Variants in GCN1 observed in about 807,000 individuals in gnomAD.
The protein encoded by GCN1 is GCN1 activator of EIF2AK4.
GCN1 carries 90 observed loss-of-function variants against 288.4 expected under a neutral mutation model. The observed-to-expected ratio is 0.31, with a 90% CI of 0.26 to 0.37. The LOEUF (loss-of-function observed/expected upper bound fraction) is 0.37. GCN1 is among the 10% of genes least tolerant of loss of function. The pLI, the probability that GCN1 is intolerant of heterozygous loss-of-function variation, is 1.00. For missense variants in GCN1, 2,586 were observed against 3,419.9 expected (o/e 0.76, Z 6.08); for synonymous variants, 1,386 against 1,420.2 (o/e 0.98, Z 0.54).
rs1261989884 is a variant in GCN1, at chr12:120,144,268, G to T, written c.5495+38C>A. The T allele has an allele frequency of 6.2e-7, 1 of 1,610,328 alleles. No homozygotes were observed. The highest frequency in any genetic ancestry group is 2.2e-5 in the East Asian group (1 of 44,860). The stretch of plus-strand genomic sequence containing the variant: ...TCGGATTATAGGCATGAGCCACCAC[G>T]CATCATCCCCACTGGGTCTTTCTGC... On this transcript the variant is annotated intron_variant, in intron 42 of 57. Coordinates refer to ENST00000300648, the MANE Select transcript of GCN1 (RefSeq NM_006836.2). The surrounding 1 kb of genome is among the most constrained non-coding windows in gnomAD (Gnocchi z 4.7).
chr12:120,133,054 C>T (rs1395399400), intron 53 of GCN1, among the ~76,000 whole-genome samples: 3 of 152,232 alleles, frequency 2.0e-5, no homozygotes, highest in Non-Finnish European at 4.4e-5. Context: ...AAGACTGTGA[C>T]CAAGACAGCA....
Position 120,181,606 on chromosome 12 carries a change from G to A in GCN1, c.426+1963C>T, listed in dbSNP as rs983512114. ...TGTAATCCCAGCACTTTGGGAGGCC[G>A]AGGCGGGCGGATCACCTGAGGTCAG... On this transcript the variant is annotated intron_variant, in intron 5 of 57. Coordinates refer to ENST00000300648, the MANE Select transcript of GCN1 (RefSeq NM_006836.2). Among the ~76,000 whole-genome samples the A allele has an allele frequency of 7.9e-5, 12 of 151,798 alleles. No individual in the cohort carries two copies. In the East Asian group the frequency reaches 1.2e-3, roughly 15 times the overall value.
intron 54 of GCN1, among the ~76,000 whole-genome samples, chr12:120,131,650 G>A (rs1876828355): frequency 6.6e-6 from 1 of 152,238 alleles, no homozygotes; most frequent in Non-Finnish European, 1.5e-5. Context: ...GCCTCGCTCT[G>A]TCGCCCAGGC....
intron 16 of GCN1, among the ~76,000 whole-genome samples, chr12:120,165,065 GAGAC>G (rs1179590264): frequency 6.9e-6 from 1 of 144,544 alleles, no homozygotes; most frequent in Non-Finnish European, 1.5e-5. Context: ...TTTTTTTTGA[GAGAC>G]AGTCACGCTC....
chr12:120,143,810 A>G (rs563452984), intron 42 of GCN1, among the ~76,000 whole-genome samples: 59 of 152,220 alleles, frequency 3.9e-4, no homozygotes, highest in Non-Finnish European at 6.9e-4. Context: ...GCCTGTATAG[A>G]GAGGACTTTT....
chr12:120,155,427 G>C lies in GCN1; in HGVS notation c.3444C>G (p.Leu1148=), dbSNP rs1189169768. The C allele has an allele frequency of 6.2e-7, 1 of 1,612,916 alleles. No individual in the cohort carries two copies. The highest frequency in any genetic ancestry group is 1.3e-5 in the African/African-American group (1 of 75,052). The change falls in exon 30 of 58, where the codon CTC becomes CTG. Residue 1148 remains leucine (L), a synonymous_variant. Coordinates refer to ENST00000300648, the MANE Select transcript of GCN1 (RefSeq NM_006836.2). This position sits in a 1 kb window ranked among gnomAD's most constrained non-coding sequence, Gnocchi z 4.9. ...EEEIRKLAER[L]WSMMGLDLQP... is the part of the protein sequence containing the mutation. ...GCAGGTCTAGGCCCATCATTGACCA[G>C]AGCCTGTGGGAGATCCAAGGCAGGG...
At position 120,163,390 on chromosome 12, in the gene GCN1, G is replaced by T. The variant is rs887268722; in HGVS notation, c.1849-131C>A. On this transcript the variant is annotated intron_variant, in intron 18 of 57. Transcript: ENST00000300648. ...TGGGGTCCTTGCTGGAGTAGAAATG[G>T]ATGCCCAGCTTCCTGCAATGGGACC... The T allele has an allele frequency of 5.9e-6, 4 of 681,812 alleles. No homozygotes were observed. The African/African-American group carries it at 7.2e-5, about 12-fold the overall frequency. The allele number at this position is 681,812 out of a possible 1,614,324, so 42.2% of individuals were successfully genotyped here.
At chr12:120,165,002 TACACACACACACACACACAC>T (rs55710290) in intron 16 of GCN1, among the ~76,000 whole-genome samples, 1 of 136,892 alleles carries the variant, frequency 7.3e-6, no homozygotes, top group African/African-American at 2.8e-5. Flanking sequence ...TACACATATA[TACACACACACACACACACAC>T]ACACACACAC....
rs1388358375 is a variant in GCN1, at chr12:120,160,210, T to C, written c.2482A>G (p.Ser828Gly). 1 of 1,612,560 alleles carries C rather than the reference T, an allele frequency of 6.2e-7. No individual in the cohort carries two copies. The highest frequency in any genetic ancestry group is 1.1e-5 in the South Asian group (1 of 91,080). Residue 828 changes from serine to glycine, a missense_variant, in exon 23 of 58, where the codon AGC (serine) becomes GGC (glycine). This residue lies in a region of GCN1 where 913 missense variants were observed against 1,107.0 expected (regional missense o/e 0.82). Coordinates refer to ENST00000300648, the MANE Select transcript of GCN1 (RefSeq NM_006836.2). ...GCCTGCAGCATCTCCTTCTGCTTGC[T>C]GGTCAGCTGCACCTCCTCTTTGATG... ...KGIKEEVQLTSKQKEMLQAQL... is the reference protein window; with the variant it reads ...KGIKEEVQLTGKQKEMLQAQL...
chr12:120,149,476 AAGGC>A, intron 36 of GCN1, 126 bp downstream of exon 36: 1 of 656,388 alleles, frequency 1.5e-6, no homozygotes, highest in Non-Finnish European at 2.7e-6. Context: ...AATTTTTAAA[AAGGC>A]AGAGTCTTAA....
chr12:120,179,137 G>A (rs1878571016), intron 5 of GCN1, among the ~76,000 whole-genome samples, 187 bp from the exon 6 acceptor site: 1 of 152,118 alleles, frequency 6.6e-6, no homozygotes, highest in South Asian at 2.1e-4. Flanking sequence ...GTCCTTTAAC[G>A]ACACTGTTCC....
At chr12:120,147,991 G>A (rs185967479) in intron 37 of GCN1, among the ~76,000 whole-genome samples, 176 bp downstream of exon 37, 2 of 152,306 alleles carry the variant, frequency 1.3e-5, no homozygotes, top group African/African-American at 4.8e-5. Context: ...AGTGCACAGG[G>A]ATCTCTTGGA....
chr12:120,161,782 G>A, intron 21 of GCN1, 98 bp downstream of exon 21: 1 of 1,202,416 alleles, frequency 8.3e-7, no homozygotes, highest in Non-Finnish European at 1.2e-6. Context: ...TGGATAGGCT[G>A]TTGCATTCAA....
At chr12:120,171,157 A>G (rs1314323044) in intron 14 of GCN1, among the ~76,000 whole-genome samples, 8 of 150,366 alleles carry the variant, frequency 5.3e-5, no homozygotes, top group South Asian at 2.1e-4. Flanking sequence ...AAAAAAAAAA[A>G]AGAGAAACCA....
At position 120,163,086 on chromosome 12, in the gene GCN1, G is replaced by C; in HGVS notation, c.2022C>G (p.Ser674=). Residue 674 remains serine, a synonymous_variant, in exon 19 of 58, where the codon TCC becomes TCG. Transcript: ENST00000300648. ...EQLAQEMLII[S]HHPSLVAVQS... ...GCCACGGACCTAAGGATGGGTGGTG[G>C]GAGATGATCAGCATTTCCTGGGCCA... 3 of 1,614,206 alleles carry C rather than the reference G, an allele frequency of 1.9e-6. No individual in the cohort carries two copies. Among genetic ancestry groups the C allele is most frequent in the Non-Finnish European group, 2.5e-6 (3 of 1,180,010 alleles).
Position 120,149,730 on chromosome 12 carries a change from G to A in GCN1, c.4432-10C>T. 6.2e-7 allele frequency: 1 copy of A among 1,607,470 alleles called. No homozygotes were observed. Among genetic ancestry groups the A allele is most frequent in the Non-Finnish European group, 8.5e-7 (1 of 1,174,134 alleles). ...CACAGTCATCTGCAGCCTCAAGGGG[G>A]GAGAAAACACATTCAGGGGCCTCCT... On this transcript the variant is annotated splice_polypyrimidine_tract_variant and intron_variant, in intron 35 of 57. Coordinates refer to ENST00000300648, the MANE Select transcript of GCN1 (RefSeq NM_006836.2).
intron 54 of GCN1, 40 bp from the exon 55 acceptor site, chr12:120,131,373 C>T (rs776912149): frequency 2.5e-6 from 4 of 1,605,314 alleles, no homozygotes; most frequent in African/African-American, 2.7e-5. Flanking sequence ...CGGTATTTTA[C>T]AGCATGTCCC....
chr12:120,177,933 T>C (rs2139133845), intron 7 of GCN1, 181 bp from the exon 8 acceptor site: 1 of 613,894 alleles, frequency 1.6e-6, no homozygotes, highest in Non-Finnish European at 2.9e-6. Flanking sequence ...CAGCTTTCCA[T>C]GGCCCCCGGG....
rs902755398 is a variant in GCN1 at position 120,134,653 on chromosome 12, C to A, written c.7082G>T (p.Arg2361Leu). The A allele has an allele frequency of 6.8e-6, 11 of 1,613,850 alleles. No individual in the cohort carries two copies. The highest frequency in any genetic ancestry group is 9.3e-6 in the Non-Finnish European group (11 of 1,180,010). ...ATCTGCGGCCTTCAGGCGCACCCCC[C>A]GGTTGGAGTCCTGCAGGGCTTTGGT... ...TFTKALQDSN[R>L]GVRLKAADAL... The change falls in exon 52 of 58, where the codon CGG becomes CTG. Residue 2361 changes from arginine (R) to leucine (L), a missense_variant. Arg to Leu is a moderately radical substitution (Grantham distance 102). Around this residue, in one of 8 missense-constraint regions of GCN1, gnomAD observed 355 missense variants for 431.1 expected, o/e 0.82. Coordinates refer to ENST00000300648, the MANE Select transcript of GCN1 (RefSeq NM_006836.2). The surrounding 1 kb of genome is among the most constrained non-coding windows in gnomAD (Gnocchi z 5.0).
Sources: allele counts gnomAD v4.1 joint callset (sites outside exome capture counted in the v4.1 genomes callset), GRCh38; gene constraint gnomAD v4.1.1; regional missense constraint gnomAD v4.1.1; non-coding constraint Gnocchi (gnomAD v3.1); transcripts MANE v1.5; gene names NCBI Gene and HGNC (gene_info 2026-07-23, HGNC 2026-07-21).